The following TNRC18 variants were observed in gnomAD, a reference collection of about 807,000 sequenced individuals.
TNRC18 encodes trinucleotide repeat-containing gene 18 protein.
Under a neutral mutation model 226.7 loss-of-function variants are expected in TNRC18, and 69 were observed. The observed-to-expected ratio is 0.30, with a 90% confidence interval of 0.25 to 0.37. TNRC18 has a LOEUF of 0.37. Among genes scored for constraint, TNRC18 ranks in the 10% least tolerant of loss-of-function variants. The pLI is 1.00. For missense variants in TNRC18, 4,754 were observed against 4,256.6 expected, an observed-to-expected ratio of 1.12 and a Z score of -3.25; for synonymous variants, 2,449 against 1,927.6, an observed-to-expected ratio of 1.27 and a Z score of -7.09.
intron 10 of TNRC18, among the ~76,000 whole-genome samples, chr7:5,373,615 C>A (rs1794361033): frequency 6.6e-6 from 1 of 152,194 alleles, no homozygotes; most frequent in Admixed American, 6.5e-5. Context: ...TCCCAGCCCC[C>A]AAAGCCACCT....
chr7:5,367,698 G>C (rs1467331560), intron 11 of TNRC18, among the ~76,000 whole-genome samples: 5 of 151,624 alleles, frequency 3.3e-5, no homozygotes, highest in Non-Finnish European at 1.5e-5. Context: ...AAAATGCTGG[G>C]ATTACAGGCG....
chr7:5,359,547 T>C lies in TNRC18; in HGVS notation c.4684A>G (p.Thr1562Ala). ...GCTCCCAGCTCATAATCATCTGATG[T>C]CAGCAGAGACTTGCTGCTCAGCCTG... ...SGKLSSKSLL[T>A]SDDYELGAGI... Residue 1562 changes from threonine (T) to alanine (A), a missense_variant, in exon 15 of 30, where the codon ACA becomes GCA. Coordinates refer to ENST00000430969, the MANE Select transcript of TNRC18 (RefSeq NM_001080495.3). 1.2e-6 allele frequency: 2 copies of C among 1,613,988 alleles called. No homozygotes were observed. The highest frequency in any genetic ancestry group is 1.7e-6 in the Non-Finnish European group (2 of 1,179,896).
chr7:5,397,224 C>A (rs923461345), intron 2 of TNRC18, among the ~76,000 whole-genome samples: 24 of 152,200 alleles, frequency 1.6e-4, no homozygotes, highest in Admixed American at 7.9e-4. Flanking sequence ...CCTGCTGAGC[C>A]CCGGGCTTCC....
chr7:5,341,365 G>A (rs1419444246), intron 18 of TNRC18, among the ~76,000 whole-genome samples: 7 of 145,656 alleles, frequency 4.8e-5, no homozygotes, highest in South Asian at 4.3e-4. Flanking sequence ...CTTGCAGTGA[G>A]CAGAGATCAC....
At chr7:5,392,819 G>A (rs1294407404) in intron 3 of TNRC18, among the ~76,000 whole-genome samples, 1 of 152,006 alleles carries the variant, frequency 6.6e-6, no homozygotes, top group Non-Finnish European at 1.5e-5. Flanking sequence ...ACCAGCCTGG[G>A]ACACATGGTG....
intron 17 of TNRC18, among the ~76,000 whole-genome samples, chr7:5,347,752 C>T (rs1199439472): frequency 2.6e-5 from 4 of 151,754 alleles, no homozygotes; most frequent in Non-Finnish European, 5.9e-5. Context: ...GTCAGGAGTT[C>T]GAGACCAGCC....
intron 2 of TNRC18, among the ~76,000 whole-genome samples, chr7:5,400,854 C>T (rs1165673873): frequency 2.0e-5 from 3 of 152,026 alleles, no homozygotes; most frequent in African/African-American, 4.8e-5. Flanking sequence ...CCAGCCTGGG[C>T]TGATAGAGAC....
intron 24 of TNRC18, among the ~76,000 whole-genome samples, chr7:5,317,865 C>G (rs1266946600): frequency 6.6e-6 from 1 of 151,566 alleles, no homozygotes; most frequent in Non-Finnish European, 1.5e-5. Context: ...ACCACCAAAC[C>G]TGGATAATAA....
rs754482545 is a variant in TNRC18 at position 5,313,572 on chromosome 7, G to A, written c.7319C>T (p.Ala2440Val). Residue 2440 changes from alanine to valine, a missense_variant, in exon 27 of 30, where the codon GCG (alanine) becomes GTG (valine). Ala to Val is a moderately conservative substitution (Grantham distance 64). Transcript: ENST00000430969. ...GGCACCCGACTCCTCGGCTGCCCGC[G>A]CCTTCTTGGGCTTGGGGCGTGTGGC... The part of the protein sequence containing the change: ...MPATRPKPKK[A>V]RAAEESGAKG... 50 of 1,604,938 alleles carry A rather than the reference G, an allele frequency of 3.1e-5. No individual in the cohort carries two copies. The highest frequency in any genetic ancestry group is 3.1e-4 in the Admixed American group (18 of 58,450).
chr7:5,308,779 G>T lies in TNRC18; in HGVS notation c.8700+96C>A, dbSNP rs1277088483. Reference sequence around the variant, plus strand: ...TCAGAGGCTGAGGGAGACCATGGGGGACAGAGCAGCAGATGCTGAGCCGGG... The same window carrying T: ...TCAGAGGCTGAGGGAGACCATGGGGTACAGAGCAGCAGATGCTGAGCCGGG... On this transcript the variant is annotated intron_variant, in intron 29 of 29. Transcript: ENST00000430969. 2.9e-6 allele frequency: 4 copies of T among 1,363,930 alleles called. No individual in the cohort carries two copies. In the South Asian group the frequency reaches 3.9e-5, roughly 13 times the overall value. The allele number at this position is 1,363,930 out of a possible 1,614,324, so 84.5% of individuals were successfully genotyped here.
chr7:5,410,156 C>T (rs1781747612), intron 2 of TNRC18, among the ~76,000 whole-genome samples: 1 of 138,260 alleles, frequency 7.2e-6, no homozygotes, highest in South Asian at 2.3e-4. Context: ...ACTAAAAATA[C>T]AAAAATTAGC....
chr7:5,333,031 G>A lies in TNRC18; in HGVS notation c.5738C>T (p.Thr1913Ile). 1 of 1,577,300 alleles carries A rather than the reference G, an allele frequency of 6.3e-7. No individual in the cohort carries two copies. Residue 1913 changes from threonine to isoleucine, a missense_variant, in exon 19 of 30, where the codon ACC becomes ATC. Thr to Ile is a moderately conservative substitution (Grantham distance 89). Transcript: ENST00000430969. The part of the protein sequence containing the change: ...QSLLGTEFEY[T>I]DSESEVKVRK... ...CACCTTGACCTCGCTCTCTGAGTCGGTGTACTCGAACTCTGTGCCTGAACG... is the reference window on the plus strand; with the variant it reads ...CACCTTGACCTCGCTCTCTGAGTCGATGTACTCGAACTCTGTGCCTGAACG...
At chr7:5,360,488 C>G (rs566317199) in intron 14 of TNRC18, among the ~76,000 whole-genome samples, 1 of 152,270 alleles carries the variant, frequency 6.6e-6, no homozygotes, top group South Asian at 2.1e-4. Flanking sequence ...CCTCGGCCTC[C>G]TAAAGTGCTG....
intron 9 of TNRC18, among the ~76,000 whole-genome samples, chr7:5,375,460 G>A (rs571899919): frequency 1.3e-5 from 2 of 152,246 alleles, no homozygotes; most frequent in African/African-American, 2.4e-5. Flanking sequence ...CTGAAGCCCA[G>A]AGAAGTAAAG....
Position 5,377,501 on chromosome 7 carries a change from G to C in TNRC18, c.2331C>G (p.Leu777=). The change falls in exon 7 of 30, where the codon CTC becomes CTG. Residue 777 remains leucine (L), a synonymous_variant. Transcript: ENST00000430969. This position sits in a 1 kb window ranked among gnomAD's most constrained non-coding sequence, Gnocchi z 5.8. ...SCAPNGLNPN[L]MVTGGPALAG... ...CCAGCGCCGGGCCCCCCGTCACCAT[G>C]AGGTTGGGGTTCAGGCCGTTAGGAG... The C allele has an allele frequency of 6.3e-7, 1 of 1,586,332 alleles. No individual in the cohort carries two copies. The highest frequency in any genetic ancestry group is 1.2e-5 in the South Asian group (1 of 86,934).
intron 2 of TNRC18, among the ~76,000 whole-genome samples, chr7:5,411,683 G>A (rs1023300858): frequency 6.6e-6 from 1 of 152,116 alleles, no homozygotes; most frequent in African/African-American, 2.4e-5. Flanking sequence ...ACAGAAAGAA[G>A]GGAGTAAAAC....
intron 13 of TNRC18, 73 bp downstream of exon 13, chr7:5,361,824 A>T: frequency 6.6e-7 from 1 of 1,511,650 alleles, no homozygotes; most frequent in Admixed American, 2.1e-5. Flanking sequence ...GCACACCTCG[A>T]CGGCTGCTGC....
In TNRC18 at chr7:5,388,598, A is replaced by AC; in HGVS notation, c.1225dup (p.Val409GlyfsTer99). 7.7e-7 allele frequency: 1 copy of AC among 1,293,062 alleles called. No individual in the cohort carries two copies. The highest frequency in any genetic ancestry group is 9.8e-7 in the Non-Finnish European group (1 of 1,020,594). The allele number at this position is 1,293,062 out of a possible 1,614,324, so 80.1% of individuals were successfully genotyped here. A position where few individuals can be genotyped will look rare whatever the true frequency, so the allele number is the denominator to read the frequency against. ...CGGGGAGCCGGGGGGCGCCTGCAGGACCCCTGGCCTGCCAGCCTCGCGCTC... is the reference window on the plus strand; with the variant it reads ...CGGGGAGCCGGGGGGCGCCTGCAGGACCCCCTGGCCTGCCAGCCTCGCGCTC... On this transcript the variant is annotated frameshift_variant, in exon 5 of 30. Coordinates refer to ENST00000430969, the MANE Select transcript of TNRC18 (RefSeq NM_001080495.3). LOFTEE classifies it high-confidence loss of function.
chr7:5,318,451 C>T (rs1788057896), intron 24 of TNRC18, among the ~76,000 whole-genome samples: 1 of 152,120 alleles, frequency 6.6e-6, no homozygotes, highest in African/African-American at 2.4e-5. Context: ...AAGACACACA[C>T]ACCAGGGGCC....
Sources: gnomAD v4.1 joint callset for allele counts (sites outside exome capture counted in the v4.1 genomes callset) on GRCh38, gnomAD v4.1.1 for gene constraint, Gnocchi (gnomAD v3.1) non-coding constraint, MANE v1.5 for transcripts, NCBI Gene and HGNC (gene_info 2026-07-23, HGNC 2026-07-21) for gene names.